GRB14: variants seen among roughly 807,000 people sequenced by gnomAD.
The protein encoded by GRB14 is growth factor receptor bound protein 14, also known as growth factor receptor-bound protein 14.
Under a neutral mutation model 69.1 loss-of-function variants are expected in GRB14, and 38 were observed. The ratio of observed to expected loss-of-function variants is 0.55; its 90% confidence interval spans 0.42 to 0.72. The LOEUF is 0.72. GRB14 is among the 30% of genes least tolerant of loss of function. The pLI is 0.00. For synonymous variants in GRB14, 247 were observed against 241.3 expected, an observed-to-expected ratio of 1.02 and a Z score of -0.22; for missense variants, 666 against 666.1, an observed-to-expected ratio of 1.00 and a Z score of 0.00.
intron 2 of GRB14, among the ~76,000 whole-genome samples, chr2:164,583,341 TAGAG>T (rs1689458613): frequency 6.6e-6 from 1 of 151,286 alleles, no homozygotes; most frequent in Non-Finnish European, 1.5e-5. Context: ...GAGTAAAAGG[TAGAG>T]AGAATCAACA....
chr2:164,574,036 C>T, intron 2 of GRB14: 1 of 1,303,632 alleles, frequency 7.7e-7, no homozygotes, highest in South Asian at 1.2e-5. Context: ...ATTGTTGCAG[C>T]AATAAATATG....
At chr2:164,509,854 A>C (rs1337686990) in intron 6 of GRB14, among the ~76,000 whole-genome samples, 3 of 151,026 alleles carry the variant, frequency 2.0e-5, no homozygotes, top group African/African-American at 7.3e-5. Flanking sequence ...GGGCAACCCC[A>C]TTCAAATCCA....
At chr2:164,585,731 A>G (rs1047484257) in intron 2 of GRB14, among the ~76,000 whole-genome samples, 13 of 152,236 alleles carry the variant, frequency 8.5e-5, no homozygotes, top group African/African-American at 3.1e-4. Flanking sequence ...GAAAAAATAA[A>G]TAAATATTAA....
rs1686789158 is a variant in GRB14 at position 164,492,739 on chromosome 2, G to A, written c.*297C>T. ...CTGATGTTGCTATATGGTAAATAAG[G>A]GAGACATGTTTTAAATATGCATATT... On this transcript the variant is annotated 3_prime_UTR_variant, in exon 14 of 14. Coordinates refer to ENST00000263915, the MANE Select transcript of GRB14 (RefSeq NM_004490.3). 2 of 215,858 alleles carry A rather than the reference G, an allele frequency of 9.3e-6. No homozygotes were observed. The highest frequency in any genetic ancestry group is 1.8e-5 in the Non-Finnish European group (2 of 110,696). 13.4% of individuals were successfully genotyped at this position (215,858 alleles called of 1,614,324 possible).
intron 2 of GRB14, among the ~76,000 whole-genome samples, chr2:164,581,568 G>C (rs569391877): frequency 4.9e-4 from 74 of 152,282 alleles, no homozygotes; most frequent in Non-Finnish European, 1.0e-3. Flanking sequence ...CACCTGCCCT[G>C]CCACCCAAAC....
rs866735443 is a variant in GRB14, at chr2:164,502,268, C to T, written c.1091G>A (p.Ser364Asn). 1 of 1,596,334 alleles carries T rather than the reference C, an allele frequency of 6.3e-7. No homozygotes were observed. The highest frequency in any genetic ancestry group is 8.6e-7 in the Non-Finnish European group (1 of 1,164,786). ...TTTGGTCCTTACCATAGGTGATATGCTCTGTGAACTGCAGCCACTTCTACC... is the reference window on the plus strand; with the variant it reads ...TTTGGTCCTTACCATAGGTGATATGTTCTGTGAACTGCAGCCACTTCTACC... ...YQGRSGCSSQSISPMRSISEN... is the reference protein window; with the variant it reads ...YQGRSGCSSQNISPMRSISEN... The change falls in exon 9 of 14, where the codon AGC becomes AAC. Residue 364 changes from serine to asparagine, a missense_variant. By Grantham distance (46) the Ser-to-Asn change is conservative (BLOSUM62 1). Coordinates refer to ENST00000263915, the MANE Select transcript of GRB14 (RefSeq NM_004490.3).
At chr2:164,559,790 T>C (rs1430222370) in intron 2 of GRB14, among the ~76,000 whole-genome samples, 1 of 152,218 alleles carries the variant, frequency 6.6e-6, no homozygotes, top group Non-Finnish European at 1.5e-5. Context: ...TATTTTCCTC[T>C]GGGTAGATAC....
chr2:164,509,811 A>AAAC (rs1238361893), intron 6 of GRB14, among the ~76,000 whole-genome samples: 1 of 151,410 alleles, frequency 6.6e-6, no homozygotes, highest in African/African-American at 2.4e-5. Context: ...AAAAAAAAAA[A>AAAC]AACACCCCAC....
At position 164,508,847 on chromosome 2, in the gene GRB14, C is replaced by A; in HGVS notation, c.822G>T (p.Pro274=). 2 of 1,564,142 alleles carry A rather than the reference C, an allele frequency of 1.3e-6. No homozygotes were observed. The highest frequency in any genetic ancestry group is 1.4e-5 in the African/African-American group (1 of 71,608). The change falls in exon 7 of 14, where the codon CCG becomes CCT. Residue 274 remains proline (P), a synonymous_variant. Transcript: ENST00000263915. ...YFSTKGTSKE[P]RHLQFFSEFG... Reference sequence around the variant, plus strand: ...ATTCGCTGAAAAACTGCAAATGCCGCGGTTCCTTAAAAAAAAAAGTATTGA... The same window carrying A: ...ATTCGCTGAAAAACTGCAAATGCCGAGGTTCCTTAAAAAAAAAAGTATTGA...
chr2:164,518,903 C>G (rs1312122804), intron 6 of GRB14, among the ~76,000 whole-genome samples: 4 of 151,888 alleles, frequency 2.6e-5, no homozygotes, highest in African/African-American at 9.7e-5. Flanking sequence ...AAAAAAGGTC[C>G]AGGACCAGAT....
chr2:164,589,190 T>A (rs1375305212), intron 2 of GRB14, among the ~76,000 whole-genome samples: 1 of 152,190 alleles, frequency 6.6e-6, no homozygotes, highest in Non-Finnish European at 1.5e-5. Flanking sequence ...GATAAAGGTT[T>A]ATAATTATTA....
Position 164,522,050 on chromosome 2 carries a change from T to G in GRB14, c.746A>C (p.Lys249Thr), listed in dbSNP as rs781074587. Residue 249 changes from lysine (K) to threonine (T), a missense_variant, in exon 6 of 14, where the codon AAG becomes ACG. Coordinates refer to ENST00000263915, the MANE Select transcript of GRB14 (RefSeq NM_004490.3). Reference sequence around the variant, plus strand: ...AAAAAAGTAAATTTTTTTCCAAGACTTCTTTCCCTGTTCTTTCGCATGTAA... The same window carrying G: ...AAAAAAGTAAATTTTTTTCCAAGACGTCTTTCCCTGTTCTTTCGCATGTAA... ...GFLHAKEQGK[K>T]SWKKIYFFLR... 6.2e-7 allele frequency: 1 copy of G among 1,603,204 alleles called. No homozygotes were observed. The highest frequency in any genetic ancestry group is 8.5e-7 in the Non-Finnish European group (1 of 1,171,486).
In GRB14 at chr2:164,621,424, T is replaced by G; in HGVS notation, c.-115A>C. 1.2e-6 allele frequency: 1 copy of G among 807,956 alleles called. No homozygotes were observed. 50.0% of individuals were successfully genotyped at this position (807,956 alleles called of 1,614,324 possible). A position where few individuals can be genotyped will look rare whatever the true frequency, so the allele number is the denominator to read the frequency against. The stretch of plus-strand genomic sequence containing the variant: ...CAGCCCGAGCGCTCTGCAGGTGTGG[T>G]GGCCTCGCCGCCTGCGCTCGGGGCC... On this transcript the variant is annotated 5_prime_UTR_variant, in exon 1 of 14. Transcript: ENST00000263915. This position sits in a 1 kb window ranked among gnomAD's most constrained non-coding sequence, Gnocchi z 6.0.
At chr2:164,508,287 C>T (rs183783995) in intron 8 of GRB14, among the ~76,000 whole-genome samples, 168 bp downstream of exon 8, 115 of 152,280 alleles carry the variant, frequency 7.6e-4, no homozygotes, top group Admixed American at 9.2e-4. Context: ...CACTCTACTC[C>T]GAAAATGTTT....
rs201183506 is a variant in GRB14 at position 164,547,749 on chromosome 2, C to T, written c.392G>A (p.Arg131Gln). The change falls in exon 3 of 14, where the codon CGA becomes CAA. Residue 131 changes from arginine to glutamine, a missense_variant. Coordinates refer to ENST00000263915, the MANE Select transcript of GRB14 (RefSeq NM_004490.3). ...ALDVPSDITA[R>Q]DVCQLLILKN... ...CAGGATCAACAGCTGACAAACATCT[C>T]GAGCCGTTATGTCACTGGGTACATC... 214 of 1,606,006 alleles carry T rather than the reference C, an allele frequency of 1.3e-4. 1 individual carries two copies. In the South Asian group the frequency reaches 2.2e-3, roughly 16 times the overall value.
chr2:164,532,388 C>T (rs1687964941), intron 3 of GRB14, among the ~76,000 whole-genome samples: 1 of 152,096 alleles, frequency 6.6e-6, no homozygotes, highest in African/African-American at 2.4e-5. Flanking sequence ...CTTATAATAC[C>T]TATAGTAAGC....
chr2:164,582,374 TC>T (rs1324045956), intron 2 of GRB14, among the ~76,000 whole-genome samples: 5 of 152,146 alleles, frequency 3.3e-5, no homozygotes, highest in African/African-American at 1.2e-4. Flanking sequence ...CCTAAGCATC[TC>T]CCAAATCAAT....
At chr2:164,506,467 C>T (rs1687191915) in intron 8 of GRB14, among the ~76,000 whole-genome samples, 1 of 152,022 alleles carries the variant, frequency 6.6e-6, no homozygotes, top group Admixed American at 6.6e-5. Context: ...CAAGTATTGA[C>T]AAATATATGA....
At chr2:164,563,519 G>A (rs1283170690) in intron 2 of GRB14, among the ~76,000 whole-genome samples, 1 of 152,198 alleles carries the variant, frequency 6.6e-6, no homozygotes, top group Non-Finnish European at 1.5e-5. Flanking sequence ...TCACGAGCCT[G>A]TTCTTGGTCC....
Sources: gnomAD v4.1 joint callset for allele counts (sites outside exome capture counted in the v4.1 genomes callset) on GRCh38, gnomAD v4.1.1 for gene constraint, Gnocchi (gnomAD v3.1) non-coding constraint, MANE v1.5 for transcripts, NCBI Gene and HGNC (gene_info 2026-07-23, HGNC 2026-07-21) for gene names.